LRMDA: variants seen among roughly 807,000 people sequenced by gnomAD.
LRMDA encodes leucine rich melanocyte differentiation associated, also known as leucine-rich melanocyte differentiation-associated protein.
In LRMDA, 18 loss-of-function variants were observed where a neutral mutation model predicts 29.8. The ratio of observed to expected loss-of-function variants is 0.60; its 90% CI spans 0.42 to 0.90. The LOEUF (loss-of-function observed/expected upper bound fraction) is 0.90, where lower values mean the gene tolerates loss of function less well. LRMDA is among the 40% of genes least tolerant of loss of function. LRMDA has a pLI of 0.00. For missense variants in LRMDA, 273 were observed against 273.9 expected (o/e 1.00, Z 0.02); for synonymous variants, 125 against 109.4 (o/e 1.14, Z -0.89).
At chr10:76,484,998 T>A (rs1307033469) in intron 6 of LRMDA, among the ~76,000 whole-genome samples, 1 of 151,902 alleles carries the variant, frequency 6.6e-6, no homozygotes, top group Non-Finnish European at 1.5e-5. Context: ...TATCTTTACA[T>A]ATCCCATTTT....
intron 2 of LRMDA, among the ~76,000 whole-genome samples, chr10:75,600,673 C>T (rs1840872644): frequency 6.6e-6 from 1 of 152,138 alleles, no homozygotes; most frequent in Non-Finnish European, 1.5e-5. Context: ...GCATGAAGAC[C>T]ATCCACAGGG....
chr10:75,563,299 C>G (rs1173822857), intron 2 of LRMDA, among the ~76,000 whole-genome samples: 1 of 152,096 alleles, frequency 6.6e-6, no homozygotes, highest in African/African-American at 2.4e-5. Context: ...ATCACTGATA[C>G]CCTTTCTTCC....
At chr10:75,436,313 A>C (rs1303824327) in intron 1 of LRMDA, among the ~76,000 whole-genome samples, 1 of 152,174 alleles carries the variant, frequency 6.6e-6, no homozygotes, top group Admixed American at 6.5e-5. Flanking sequence ...CAGTTTCTGC[A>C]TCTAAAACTC....
intron 2 of LRMDA, among the ~76,000 whole-genome samples, chr10:75,548,100 G>GAA (rs1382441108): frequency 3.7e-5 from 5 of 134,034 alleles, no homozygotes; most frequent in African/African-American, 8.0e-5. Flanking sequence ...GCATTTAAAA[G>GAA]AAAAAAAAAA....
chr10:76,447,671 G>A (rs139528850), intron 6 of LRMDA, among the ~76,000 whole-genome samples: 1 of 152,178 alleles, frequency 6.6e-6, no homozygotes, highest in East Asian at 1.9e-4. Flanking sequence ...GTTCATTCCT[G>A]TCTCACATGT....
chr10:75,559,023 T>A (rs1840254990), intron 2 of LRMDA, among the ~76,000 whole-genome samples: 1 of 150,644 alleles, frequency 6.6e-6, no homozygotes, highest in Non-Finnish European at 1.5e-5. Flanking sequence ...GCAGCATGAT[T>A]TATAGTCCTT....
chr10:76,062,654 C>CTGTGTGTGTGTGTGTG (rs1369528064), intron 5 of LRMDA, among the ~76,000 whole-genome samples: 3 of 136,344 alleles, frequency 2.2e-5, no homozygotes, highest in Non-Finnish European at 4.7e-5. Flanking sequence ...GACTTTATCT[C>CTGTGTGTGTGTGTGTG]TCTGTGTGTG....
intron 5 of LRMDA, among the ~76,000 whole-genome samples, chr10:76,081,648 A>C (rs1213737827): frequency 2.0e-5 from 3 of 152,186 alleles, no homozygotes; most frequent in Non-Finnish European, 2.9e-5. Flanking sequence ...TCACCTATAC[A>C]AGTGGTATTC....
rs184892710 is a variant in LRMDA, at chr10:75,619,089, A to G, written c.131+180595A>G. On this transcript the variant is annotated intron_variant, in intron 2 of 6. Transcript: ENST00000611255. ...TGGGATTACAGGTGTAAGCCACTGC[A>G]CCCGGCCGAAAATATATTTACTCTT... Among the ~76,000 whole-genome samples, 586 of 151,932 alleles carry G rather than the reference A, an allele frequency of 3.9e-3. 3 individuals carry two copies. The highest frequency in any genetic ancestry group is 5.9e-3 in the Non-Finnish European group (401 of 67,922).
At chr10:76,230,543 T>C (rs1319016053) in intron 5 of LRMDA, among the ~76,000 whole-genome samples, 2 of 145,002 alleles carry the variant, frequency 1.4e-5, no homozygotes, top group African/African-American at 5.0e-5. Context: ...TATTTTTCAC[T>C]GTTAAGAGGG....
chr10:75,927,308 C>T (rs1185446047), intron 2 of LRMDA, among the ~76,000 whole-genome samples: 2 of 152,212 alleles, frequency 1.3e-5, no homozygotes, highest in East Asian at 3.8e-4. Context: ...TAAATTTGTG[C>T]ATCCCATAAA....
chr10:76,460,268 T>A (rs1297502798), intron 6 of LRMDA, among the ~76,000 whole-genome samples: 1 of 152,232 alleles, frequency 6.6e-6, no homozygotes, highest in African/African-American at 2.4e-5. Context: ...TGCATCAGGA[T>A]CACCCAGAGG....
At chr10:76,132,438 G>A (rs551725346) in intron 5 of LRMDA, among the ~76,000 whole-genome samples, 1 of 152,214 alleles carries the variant, frequency 6.6e-6, no homozygotes, top group African/African-American at 2.4e-5. Context: ...CCATCAAGCA[G>A]AACATTTTTT....
chr10:75,470,031 C>A (rs1844707159), intron 2 of LRMDA, among the ~76,000 whole-genome samples: 1 of 152,172 alleles, frequency 6.6e-6, no homozygotes, highest in African/African-American at 2.4e-5. Context: ...CACCTCTCCC[C>A]TTTAATAATA....
intron 5 of LRMDA, among the ~76,000 whole-genome samples, chr10:76,239,339 C>T (rs1852225273): frequency 6.6e-6 from 1 of 152,174 alleles, no homozygotes; most frequent in Non-Finnish European, 1.5e-5. Context: ...TAAACATGGT[C>T]ACCATGTCAT....
At chr10:76,072,690 G>A (rs1848893888) in intron 5 of LRMDA, among the ~76,000 whole-genome samples, 1 of 152,204 alleles carries the variant, frequency 6.6e-6, no homozygotes, top group Admixed American at 6.5e-5. Context: ...TGGTTCAGGG[G>A]GAATGGGAGT....
intron 2 of LRMDA, among the ~76,000 whole-genome samples, chr10:75,562,887 G>A (rs1840317156): frequency 6.6e-6 from 1 of 152,138 alleles, no homozygotes; most frequent in Non-Finnish European, 1.5e-5. Flanking sequence ...TAGAGTTTCT[G>A]CTGAGAGATC....
At chr10:75,835,592 G>C (rs989640533) in intron 2 of LRMDA, among the ~76,000 whole-genome samples, 1 of 152,182 alleles carries the variant, frequency 6.6e-6, no homozygotes, top group East Asian at 1.9e-4. Context: ...TAGACAGCAC[G>C]TAGTAGTGGA....
At chr10:75,792,170 T>C (rs1843579005) in intron 2 of LRMDA, among the ~76,000 whole-genome samples, 1 of 152,140 alleles carries the variant, frequency 6.6e-6, no homozygotes, top group South Asian at 2.1e-4. Context: ...TTACTTATTT[T>C]ATCTGAACTA....
Sources: gnomAD v4.1 joint callset for allele counts (sites outside exome capture counted in the v4.1 genomes callset) on GRCh38, gnomAD v4.1.1 for gene constraint, MANE v1.5 for transcripts, NCBI Gene and HGNC (gene_info 2026-07-23, HGNC 2026-07-21) for gene names.